The following PLXDC1 variants were observed in gnomAD, a reference collection of about 807,000 sequenced individuals.
The protein encoded by PLXDC1 is plexin domain containing 1.
Under a neutral mutation model 61.3 loss-of-function variants are expected in PLXDC1, and 39 were observed. The observed-to-expected ratio is 0.64, with a 90% confidence interval of 0.49 to 0.83. The LOEUF (loss-of-function observed/expected upper bound fraction) is 0.83. PLXDC1 is among the 40% of genes least tolerant of loss of function. PLXDC1 has a pLI of 0.00. For missense variants in PLXDC1, 596 were observed against 666.5 expected (o/e 0.89, Z 1.17); for synonymous variants, 212 against 254.5 (o/e 0.83, Z 1.59).
chr17:39,107,652 G>T (rs781061933), intron 5 of PLXDC1, 127 bp from the exon 6 acceptor site: 2 of 752,016 alleles, frequency 2.7e-6, no homozygotes, highest in East Asian at 5.2e-5. Context: ...AGTTTGCAAA[G>T]GTAAGGAGGC....
At chr17:39,149,643 C>CCACT (rs1368201678) in intron 1 of PLXDC1, among the ~76,000 whole-genome samples, 1 of 152,158 alleles carries the variant, frequency 6.6e-6, no homozygotes, top group Non-Finnish European at 1.5e-5. Flanking sequence ...TCTGCCTGCC[C>CCACT]CACTCTTCCT....
At chr17:39,152,647 C>T (rs1309826791), upstream of PLXDC1, 2 of 1,241,498 alleles carry the variant, frequency 1.6e-6, no homozygotes, top group Admixed American at 4.2e-5. Context: ...ACTAGAAAAC[C>T]GCGGAGAGGA....
Position 39,121,511 on chromosome 17 carries a change from T to TG in PLXDC1, c.256-12121dup, listed in dbSNP as rs200629609. On this transcript the variant is annotated intron_variant, in intron 2 of 13. Coordinates refer to ENST00000315392, the MANE Select transcript of PLXDC1 (RefSeq NM_020405.5). ...CACTGCTAGCTTCTTGGCTGGCCAT[T>TG]GGGAAAAAGAGTCCCATGGCTTGAA... 6.0e-3 allele frequency among the ~76,000 whole-genome samples: 911 copies of TG among 152,302 alleles called. 3 individuals carry two copies. Among genetic ancestry groups the TG allele is most frequent in the Non-Finnish European group, 8.9e-3 (605 of 68,034 alleles).
intron 2 of PLXDC1, among the ~76,000 whole-genome samples, chr17:39,138,124 G>C (rs1005977207): frequency 6.6e-6 from 1 of 152,178 alleles, no homozygotes; most frequent in Admixed American, 6.5e-5. Flanking sequence ...TTTTAGAGAC[G>C]TGGGTCTCAC....
In PLXDC1 at chr17:39,083,551, G is replaced by A. The variant is rs1598188340; in HGVS notation, c.908-11C>T. On this transcript the variant is annotated splice_polypyrimidine_tract_variant and intron_variant, in intron 8 of 13. Transcript: ENST00000315392. The stretch of plus-strand genomic sequence containing the variant: ...TATGCTGCAGGCAGGCTGCAAGAGA[G>A]AAGGCAGTGGCCGCTCAGCACCGAG... 6.2e-7 allele frequency: 1 copy of A among 1,604,014 alleles called. No individual in the cohort carries two copies. The highest frequency in any genetic ancestry group is 2.3e-5 in the East Asian group (1 of 44,258).
intron 7 of PLXDC1, among the ~76,000 whole-genome samples, chr17:39,092,277 C>A (rs769312637): frequency 2.0e-5 from 3 of 151,872 alleles, no homozygotes; most frequent in Non-Finnish European, 4.4e-5. Context: ...TCTCCCTGTA[C>A]TACCCAGGCT....
chr17:39,136,315 A>G (rs944337049), intron 2 of PLXDC1, among the ~76,000 whole-genome samples: 5 of 152,258 alleles, frequency 3.3e-5, no homozygotes, highest in African/African-American at 4.8e-5. Flanking sequence ...AGATGGCACC[A>G]AAACTCAGGA....
intron 2 of PLXDC1, among the ~76,000 whole-genome samples, chr17:39,110,431 C>G (rs1910757197): frequency 6.6e-6 from 1 of 152,162 alleles, no homozygotes; most frequent in African/African-American, 2.4e-5. Flanking sequence ...GGCTCTCCTG[C>G]AGAGGAGCAC....
intron 2 of PLXDC1, among the ~76,000 whole-genome samples, chr17:39,118,948 G>A (rs1364044126): frequency 1.3e-5 from 2 of 152,186 alleles, no homozygotes; most frequent in African/African-American, 4.8e-5. Context: ...AAAAGGAACC[G>A]AAACCATCCT....
chr17:39,067,875 C>T lies in PLXDC1; in HGVS notation c.1468G>A (p.Glu490Lys), dbSNP rs1446029435. ...TCAGCCTCCATGAAGCCCTCCTTCTCATGGCCCGAGGGCTCCACCTCCGCA... is the reference window on the plus strand; with the variant it reads ...TCAGCCTCCATGAAGCCCTCCTTCTTATGGCCCGAGGGCTCCACCTCCGCA... Reference protein sequence around the residue: ...TYAEVEPSGHEKEGFMEAEQC With the variant: ...TYAEVEPSGHKKEGFMEAEQC Residue 490 changes from glutamate (E) to lysine (K), a missense_variant, in exon 14 of 14, where the codon GAG becomes AAG. Glu to Lys is a moderately conservative substitution (Grantham distance 56). Transcript: ENST00000315392. 1.2e-6 allele frequency: 2 copies of T among 1,613,948 alleles called. No individual in the cohort carries two copies. Among genetic ancestry groups the T allele is most frequent in the South Asian group, 1.1e-5 (1 of 91,082 alleles).
chr17:39,069,830 G>C, intron 13 of PLXDC1, 26 bp downstream of exon 13: 1 of 1,598,212 alleles, frequency 6.3e-7, no homozygotes. Context: ...GCAGACAGGA[G>C]CCCTGTGGCC....
At chr17:39,148,848 G>A (rs181089303) in intron 1 of PLXDC1, among the ~76,000 whole-genome samples, 2 of 152,284 alleles carry the variant, frequency 1.3e-5, no homozygotes, top group African/African-American at 4.8e-5. Flanking sequence ...ACAAGCATGA[G>A]CCACCGTGAC....
intron 2 of PLXDC1, among the ~76,000 whole-genome samples, chr17:39,110,779 G>A (rs1910771193): frequency 6.6e-6 from 1 of 152,240 alleles, no homozygotes; most frequent in African/African-American, 2.4e-5. Flanking sequence ...CTCCTCACCT[G>A]CCAGAAGGCA....
intron 7 of PLXDC1, among the ~76,000 whole-genome samples, chr17:39,092,620 A>C (rs1444661840): frequency 6.6e-6 from 1 of 152,236 alleles, no homozygotes; most frequent in East Asian, 1.9e-4. Context: ...GTGCACAGAC[A>C]GACATCGCTG....
intron 11 of PLXDC1, among the ~76,000 whole-genome samples, chr17:39,073,711 A>G (rs1219694483): frequency 6.6e-6 from 1 of 152,182 alleles, no homozygotes; most frequent in Non-Finnish European, 1.5e-5. Flanking sequence ...AATGCATGCA[A>G]TGTTGATCAA....
At chr17:39,117,884 A>G (rs190340125) in intron 2 of PLXDC1, among the ~76,000 whole-genome samples, 1 of 152,240 alleles carries the variant, frequency 6.6e-6, no homozygotes, top group Non-Finnish European at 1.5e-5. Flanking sequence ...TGGAATGAAA[A>G]AGAAGAGACT....
intron 2 of PLXDC1, among the ~76,000 whole-genome samples, chr17:39,135,038 A>T (rs1274854007): frequency 6.6e-6 from 1 of 151,952 alleles, no homozygotes; most frequent in Non-Finnish European, 1.5e-5. Context: ...ATCTCTCCCA[A>T]CTCATTCTAA....
intron 2 of PLXDC1, among the ~76,000 whole-genome samples, chr17:39,138,418 GT>G (rs1374185024): frequency 6.6e-6 from 1 of 152,188 alleles, no homozygotes; most frequent in Admixed American, 6.5e-5. Flanking sequence ...GTACATGATC[GT>G]CACAATCCAC....
chr17:39,139,629 C>G (rs548793208), intron 2 of PLXDC1, 25 bp downstream of exon 2: 1 of 1,581,114 alleles, frequency 6.3e-7, no homozygotes, highest in Admixed American at 1.7e-5. Context: ...ACTTCGCTCC[C>G]CCTCCATGTT....
Sources: gnomAD v4.1 joint callset for allele counts (sites outside exome capture counted in the v4.1 genomes callset) on GRCh38, gnomAD v4.1.1 for gene constraint, MANE v1.5 for transcripts, NCBI Gene and HGNC (gene_info 2026-07-23, HGNC 2026-07-21) for gene names.